Variants in EPHA8 observed in about 807,000 individuals in gnomAD.
EPHA8 encodes EPH receptor A8.
In EPHA8, 58 loss-of-function variants were observed where a neutral mutation model predicts 103.6. That is an observed-to-expected ratio of 0.56 (90% CI 0.45 to 0.70). EPHA8 has a LOEUF of 0.70. Ranked by LOEUF, EPHA8 falls within the 30% of genes least tolerant of loss-of-function variation. The pLI is 0.00. For synonymous variants in EPHA8, 559 were observed against 572.5 expected (o/e 0.98, Z 0.34); for missense variants, 1,304 against 1,395.2 (o/e 0.93, Z 1.04).
chr1:22,598,166 T>C lies in EPHA8; in HGVS notation c.2132T>C (p.Ile711Thr), dbSNP rs541620093. Reference protein sequence around the residue: ...GVVTRGRLAMIVTEYMENGSL... With the variant: ...GVVTRGRLAMTVTEYMENGSL... ...GCCCGCCCAGGCCGCCTGGCAATGA[T>C]TGTGACTGAGTACATGGAGAACGGC... Residue 711 changes from isoleucine (I) to threonine (T), a missense_variant, in exon 12 of 17, where the codon ATT becomes ACT. Coordinates refer to ENST00000166244, the MANE Select transcript of EPHA8 (RefSeq NM_020526.5). This position sits in a 1 kb window ranked among gnomAD's most constrained non-coding sequence, Gnocchi z 5.1. The C allele has an allele frequency of 3.1e-6, 5 of 1,613,416 alleles. No individual in the cohort carries two copies. In the Admixed American group the frequency reaches 5.0e-5, roughly 16 times the overall value.
In EPHA8 at chr1:22,597,380, G is replaced by C. The variant is rs999765; in HGVS notation, c.1834G>C (p.Glu612Gln). 155,941 of 1,613,252 alleles carry C rather than the reference G, an allele frequency of 0.097. 7,857 individuals are homozygous for C. Among genetic ancestry groups the C allele is most frequent in the African/African-American group, 0.1 (7,731 of 75,022 alleles). ...GKLPEPQFYA[E>Q]PHTYEEPGRA... is the part of the protein sequence containing the mutation. ...GCTCCCAGAGCCCCAGTTCTATGCG[G>C]AACCCCACACCTACGAGGAGCCAGG... The change falls in exon 10 of 17, where the codon GAA becomes CAA. Residue 612 changes from glutamate to glutamine, a missense_variant. By Grantham distance (29) the Glu-to-Gln change is conservative (BLOSUM62 2). Coordinates refer to ENST00000166244, the MANE Select transcript of EPHA8 (RefSeq NM_020526.5). The surrounding 1 kb of genome is among the most constrained non-coding windows in gnomAD (Gnocchi z 4.6).
rs147795823 is a variant in EPHA8 at position 22,601,319 on chromosome 1, G to A, written c.2749G>A (p.Val917Ile). 2,121 of 1,604,588 alleles carry A rather than the reference G, an allele frequency of 1.3e-3. 2 individuals are homozygous for A. Among genetic ancestry groups the A allele is most frequent in the Non-Finnish European group, 1.7e-3 (1,945 of 1,177,378 alleles). The change falls in exon 16 of 17, where the codon GTC (valine) becomes ATC (isoleucine). Residue 917 changes from valine (V) to isoleucine (I), a missense_variant. Coordinates refer to ENST00000166244, the MANE Select transcript of EPHA8 (RefSeq NM_020526.5). Reference sequence around the variant, plus strand: ...CCTCAGGTGCCCACCCCCTGCCTTCGTCCGGAGCTGCTTTGACCTCCGAGG... The same window carrying A: ...CCTCAGGTGCCCACCCCCTGCCTTCATCCGGAGCTGCTTTGACCTCCGAGG... ...TVSRCPPPAF[V>I]RSCFDLRGGS...
At position 22,563,807 on chromosome 1, in the gene EPHA8, C is replaced by T. The variant is rs1425436364; in HGVS notation, c.94+78C>T. On this transcript the variant is annotated intron_variant, in intron 1 of 16. Coordinates refer to ENST00000166244, the MANE Select transcript of EPHA8 (RefSeq NM_020526.5). The surrounding 1 kb of genome is among the most constrained non-coding windows in gnomAD (Gnocchi z 4.4). ...GCGCGCGCTGCCTGCGGCTCAACTTCCTTTGCATGGACCCTGAGCTCCAAG... is the reference window on the plus strand; with the variant it reads ...GCGCGCGCTGCCTGCGGCTCAACTTTCTTTGCATGGACCCTGAGCTCCAAG... 6.6e-6 allele frequency: 1 copy of T among 152,228 alleles called. No homozygotes were observed. Among genetic ancestry groups the T allele is most frequent in the African/African-American group, 2.4e-5 (1 of 41,316 alleles). 9.4% of individuals were successfully genotyped at this position (152,228 alleles called of 1,614,324 possible).
Position 22,576,919 on chromosome 1 carries a change from C to T in EPHA8, c.823+39C>T, listed in dbSNP as rs559740652. 2.6e-6 allele frequency: 4 copies of T among 1,546,028 alleles called. No individual in the cohort carries two copies. Among genetic ancestry groups the T allele is most frequent in the African/African-American group, 1.4e-5 (1 of 73,944 alleles). On this transcript the variant is annotated intron_variant, in intron 3 of 16. Coordinates refer to ENST00000166244, the MANE Select transcript of EPHA8 (RefSeq NM_020526.5). This position sits in a 1 kb window ranked among gnomAD's most constrained non-coding sequence, Gnocchi z 4.8. Reference sequence around the variant, plus strand: ...GGCCTGGGCATGGGTCAGCCGGCAGCGGTGCTTGGTCTTGGCAGGGCTGCC... The same window carrying T: ...GGCCTGGGCATGGGTCAGCCGGCAGTGGTGCTTGGTCTTGGCAGGGCTGCC...
intron 5 of EPHA8, among the ~76,000 whole-genome samples, chr1:22,592,268 G>GT (rs1466427907): frequency 2.0e-5 from 3 of 152,050 alleles, no homozygotes; most frequent in African/African-American, 4.8e-5. Flanking sequence ...TCCTGCCTTG[G>GT]TTTTTAAGAG....
At chr1:22,579,946 G>A in intron 3 of EPHA8, among the ~76,000 whole-genome samples, 1 of 152,038 alleles carries the variant, frequency 6.6e-6, no homozygotes, top group East Asian at 1.9e-4. Flanking sequence ...AGGCCCCTGA[G>A]CGCTAATAGG....
Position 22,589,351 on chromosome 1 carries a change from C to A in EPHA8, c.1315+145C>A. The A allele has an allele frequency of 6.3e-7, 1 of 1,587,686 alleles. No individual in the cohort carries two copies. On this transcript the variant is annotated intron_variant, in intron 5 of 16. Transcript: ENST00000166244. The surrounding 1 kb of genome is among the most constrained non-coding windows in gnomAD (Gnocchi z 4.3). ...TGGCCCTGCGCTCCTCACCAGGACC[C>A]AGAGCTGGAGGCTCTTCATTGCCTT...
At chr1:22,593,503 C>G (rs1454871334) in intron 6 of EPHA8, 21 bp from the exon 7 acceptor site, 1 of 1,610,418 alleles carries the variant, frequency 6.2e-7, no homozygotes, top group Non-Finnish European at 8.5e-7. Flanking sequence ...GCAGGGCCCA[C>G]TGACCACCGT....
chr1:22,574,120 A>G (rs1235444916), intron 2 of EPHA8, among the ~76,000 whole-genome samples: 1 of 152,162 alleles, frequency 6.6e-6, no homozygotes. Flanking sequence ...CTGGGACTAC[A>G]GGCGCCCGCC....
rs150954894 is a variant in EPHA8, at chr1:22,600,661, G to A, written c.2389G>A (p.Gly797Ser). 4.0e-5 allele frequency: 65 copies of A among 1,613,170 alleles called. No homozygotes were observed. The African/African-American group carries it at 5.3e-4, about 13-fold the overall frequency. The part of the protein sequence containing the change: ...DDPDAAYTTT[G>S]GKIPIRWTAP... ...CTCAACTCTTGTGTGTCCGTCGCAG[G>A]GCGGGAAGATCCCCATCCGCTGGAC... Residue 797 changes from glycine to serine, a missense_variant and splice_region_variant, in exon 14 of 17, where the codon GGC (glycine) becomes AGC (serine). By Grantham distance (56) the Gly-to-Ser change is moderately conservative (BLOSUM62 0). Transcript: ENST00000166244.
In EPHA8 at chr1:22,597,237, A is replaced by C; in HGVS notation, c.1766-75A>C. 4.0e-6 allele frequency: 5 copies of C among 1,259,010 alleles called. No individual in the cohort carries two copies. The highest frequency in any genetic ancestry group is 5.5e-6 in the Non-Finnish European group (5 of 902,770). 78.0% of individuals were successfully genotyped at this position (1,259,010 alleles called of 1,614,324 possible). A position where few individuals can be genotyped will look rare whatever the true frequency, so the allele number is the denominator to read the frequency against. ...ACACCCCTCACCCCACCCCAGACCC[A>C]TCCCAGGCCCAGGGAATGTCAGGAA... On this transcript the variant is annotated intron_variant, in intron 9 of 16. Coordinates refer to ENST00000166244, the MANE Select transcript of EPHA8 (RefSeq NM_020526.5). This position sits in a 1 kb window ranked among gnomAD's most constrained non-coding sequence, Gnocchi z 4.6.
rs150921577 is a variant in EPHA8, at chr1:22,582,816, G to A, written c.824-3664G>A. The stretch of plus-strand genomic sequence containing the variant: ...CATCACCCAGCGGAGCAGCAGCTCA[G>A]AGTCTGAAGTCCTGGTTGCTGTCCT... On this transcript the variant is annotated intron_variant, in intron 3 of 16. Coordinates refer to ENST00000166244, the MANE Select transcript of EPHA8 (RefSeq NM_020526.5). Among the ~76,000 whole-genome samples the A allele has an allele frequency of 6.6e-5, 10 of 152,346 alleles. No individual in the cohort carries two copies. The East Asian group carries it at 1.9e-3, about 29-fold the overall frequency.
intron 2 of EPHA8, among the ~76,000 whole-genome samples, chr1:22,573,675 C>A (rs1015034203): frequency 1.3e-5 from 2 of 152,222 alleles, no homozygotes; most frequent in Admixed American, 1.3e-4. Context: ...CCTCATCCTC[C>A]AGCTCCTCCT....
At chr1:22,579,508 T>G (rs1640981617) in intron 3 of EPHA8, among the ~76,000 whole-genome samples, 1 of 152,086 alleles carries the variant, frequency 6.6e-6, no homozygotes, top group Non-Finnish European at 1.5e-5. Context: ...TGTGCGCATG[T>G]GTGTGTGCAT....
chr1:22,579,201 C>A (rs569730819), intron 3 of EPHA8, among the ~76,000 whole-genome samples: 74 of 131,430 alleles, frequency 5.6e-4, no homozygotes, highest in African/African-American at 2.0e-3. Flanking sequence ...ATATGTGTAC[C>A]TGTGTGCATG....
chr1:22,583,673 CCTCT>C (rs1446731371), intron 3 of EPHA8, among the ~76,000 whole-genome samples: 1 of 152,224 alleles, frequency 6.6e-6, no homozygotes, highest in Non-Finnish European at 1.5e-5. Flanking sequence ...TTGCCATCTC[CCTCT>C]AAGGTGGGTA....
At chr1:22,595,011 G>A (rs1252041165) in intron 7 of EPHA8, among the ~76,000 whole-genome samples, 1 of 152,168 alleles carries the variant, frequency 6.6e-6, no homozygotes, top group Admixed American at 6.5e-5. Context: ...TTAGGAAGCT[G>A]GGCATCCAGG....
At chr1:22,578,916 TG>T (rs1640924499) in intron 3 of EPHA8, among the ~76,000 whole-genome samples, 1 of 151,462 alleles carries the variant, frequency 6.6e-6, no homozygotes, top group Non-Finnish European at 1.5e-5. Flanking sequence ...TATGTATGCA[TG>T]TGCGTTTATG....
chr1:22,600,522 G>A, intron 13 of EPHA8, 139 bp from the exon 14 acceptor site: 2 of 1,187,412 alleles, frequency 1.7e-6, no homozygotes, highest in Non-Finnish European at 2.4e-6. Flanking sequence ...CTCAGGACAG[G>A]TGCTCTGGGA....
Sources: gnomAD v4.1 joint callset for allele counts (sites outside exome capture counted in the v4.1 genomes callset) on GRCh38, gnomAD v4.1.1 for gene constraint, Gnocchi (gnomAD v3.1) non-coding constraint, MANE v1.5 for transcripts, NCBI Gene and HGNC (gene_info 2026-07-23, HGNC 2026-07-21) for gene names.